GALNTL6: variants seen among roughly 807,000 people sequenced by gnomAD.
GALNTL6 encodes the protein polypeptide N-acetylgalactosaminyltransferase-like 6.
GALNTL6 carries 46 observed loss-of-function variants against 73.7 expected under a neutral mutation model. The observed-to-expected ratio is 0.62, with a 90% CI of 0.49 to 0.80. The LOEUF (loss-of-function observed/expected upper bound fraction) is 0.80, where lower values mean the gene tolerates loss of function less well. Ranked by LOEUF, GALNTL6 falls within the 30% of genes least tolerant of loss-of-function variation. The pLI, the probability that GALNTL6 is intolerant of heterozygous loss-of-function variation, is 0.00. For missense variants in GALNTL6, 604 were observed against 755.0 expected (o/e 0.80, Z 2.34); for synonymous variants, 259 against 263.7 (o/e 0.98, Z 0.17).
chr4:172,747,716 C>T (rs1445676716), intron 5 of GALNTL6, among the ~76,000 whole-genome samples: 1 of 151,758 alleles, frequency 6.6e-6, no homozygotes, highest in African/African-American at 2.4e-5. Context: ...GTATGCACCC[C>T]CATGTTCATT....
chr4:172,583,557 T>C (rs1737276458), intron 5 of GALNTL6, among the ~76,000 whole-genome samples: 1 of 152,134 alleles, frequency 6.6e-6, no homozygotes, highest in African/African-American at 2.4e-5. Context: ...CTTTCCAAAG[T>C]TTGTGTTTTA....
At chr4:172,716,061 C>T (rs1244881129) in intron 5 of GALNTL6, among the ~76,000 whole-genome samples, 3 of 151,952 alleles carry the variant, frequency 2.0e-5, no homozygotes, top group Admixed American at 6.6e-5. Context: ...GTTTTGCTCC[C>T]GCACCCCACC....
At chr4:172,837,582 A>C (rs1742975379) in intron 7 of GALNTL6, among the ~76,000 whole-genome samples, 1 of 152,246 alleles carries the variant, frequency 6.6e-6, no homozygotes, top group Non-Finnish European at 1.5e-5. Context: ...AAATCAACAA[A>C]AAAATTAGAA....
At chr4:172,514,920 CT>C (rs1418278176) in intron 5 of GALNTL6, among the ~76,000 whole-genome samples, 1 of 152,208 alleles carries the variant, frequency 6.6e-6, no homozygotes, top group Non-Finnish European at 1.5e-5. Flanking sequence ...GACTTTCCCC[CT>C]CTCACACCTT....
At chr4:172,286,244 C>T (rs1739244559) in intron 3 of GALNTL6, among the ~76,000 whole-genome samples, 1 of 151,996 alleles carries the variant, frequency 6.6e-6, no homozygotes, top group African/African-American at 2.4e-5. Flanking sequence ...CATAATAGTT[C>T]CTCATGTCTT....
chr4:172,482,429 C>T (rs1452536195), intron 5 of GALNTL6, among the ~76,000 whole-genome samples: 1 of 152,242 alleles, frequency 6.6e-6, no homozygotes, highest in Non-Finnish European at 1.5e-5. Flanking sequence ...CACTTCTCAT[C>T]AAGTTAGGGC....
At chr4:172,982,282 C>G (rs550723585) in intron 10 of GALNTL6, among the ~76,000 whole-genome samples, 2 of 152,304 alleles carry the variant, frequency 1.3e-5, no homozygotes, top group Admixed American at 1.3e-4. Flanking sequence ...CAGAGCCCTC[C>G]CTCTGCTCTC....
At chr4:172,535,468 C>T (rs1219577692) in intron 5 of GALNTL6, among the ~76,000 whole-genome samples, 4 of 152,252 alleles carry the variant, frequency 2.6e-5, no homozygotes, top group East Asian at 1.9e-4. Context: ...TATTTTCCAG[C>T]GACTTAACAA....
intron 5 of GALNTL6, among the ~76,000 whole-genome samples, chr4:172,587,443 C>A (rs1482888556): frequency 6.6e-6 from 1 of 152,172 alleles, no homozygotes; most frequent in Non-Finnish European, 1.5e-5. Context: ...GATCATGTCA[C>A]CCCTTGTCGT....
At chr4:171,896,263 A>G (rs1180405361) in intron 2 of GALNTL6, among the ~76,000 whole-genome samples, 4 of 152,240 alleles carry the variant, frequency 2.6e-5, no homozygotes, top group African/African-American at 7.2e-5. Context: ...ATTTCTTAAT[A>G]CTGCATATTA....
At chr4:172,435,833 G>C (rs1731614989) in intron 5 of GALNTL6, among the ~76,000 whole-genome samples, 1 of 152,024 alleles carries the variant, frequency 6.6e-6, no homozygotes, top group African/African-American at 2.4e-5. Context: ...AATAGTATGA[G>C]CCTTTTTAAA....
intron 5 of GALNTL6, among the ~76,000 whole-genome samples, chr4:172,443,117 T>TATAC (rs1256519049): frequency 1.8e-5 from 2 of 109,340 alleles, no homozygotes; most frequent in Non-Finnish European, 3.6e-5. Context: ...TAATGATCCA[T>TATAC]ATACATATAT....
At chr4:172,396,306 CTTTTTTTTTCT>C (rs1433495286) in intron 5 of GALNTL6, among the ~76,000 whole-genome samples, 723 of 36,916 alleles carry the variant, frequency 0.02, 7 homozygotes, top group African/African-American at 0.06. Flanking sequence ...TTACTATTTT[CTTTTTTTTTCT>C]TTTTTTTTTT....
At chr4:171,898,381 C>A (rs554314503) in intron 2 of GALNTL6, among the ~76,000 whole-genome samples, 3 of 152,064 alleles carry the variant, frequency 2.0e-5, no homozygotes, top group Admixed American at 1.3e-4. Flanking sequence ...AATGAAGACA[C>A]ATACCTATAA....
At chr4:172,254,766 A>C (rs974520824) in intron 3 of GALNTL6, among the ~76,000 whole-genome samples, 1 of 151,844 alleles carries the variant, frequency 6.6e-6, no homozygotes, top group Non-Finnish European at 1.5e-5. Flanking sequence ...TATCAACTCC[A>C]TGTAAGTCTG....
intron 5 of GALNTL6, among the ~76,000 whole-genome samples, chr4:172,544,765 T>C (rs1735688181): frequency 6.6e-6 from 1 of 152,196 alleles, no homozygotes; most frequent in African/African-American, 2.4e-5. Context: ...CTCTACCATA[T>C]GTACAGTATG....
At chr4:172,054,572 T>A (rs1206261894) in intron 2 of GALNTL6, among the ~76,000 whole-genome samples, 1 of 152,162 alleles carries the variant, frequency 6.6e-6, no homozygotes, top group East Asian at 1.9e-4. Context: ...TATTTTCACA[T>A]GTTGGAAAGG....
intron 4 of GALNTL6, among the ~76,000 whole-genome samples, chr4:172,316,710 A>G (rs1262384018): frequency 3.3e-5 from 5 of 152,228 alleles, no homozygotes; most frequent in Non-Finnish European, 7.3e-5. Context: ...ACGATTTGCT[A>G]TGAAAACATT....
intron 5 of GALNTL6, among the ~76,000 whole-genome samples, chr4:172,748,438 G>A (rs10014796): frequency 0.36 from 54,940 of 151,882 alleles, 11,012 homozygotes; most frequent in African/African-American, 0.53. Flanking sequence ...CTCACTCCAC[G>A]CAGACAGACA....
Sources: gnomAD v4.1 joint callset for allele counts (sites outside exome capture counted in the v4.1 genomes callset) on GRCh38, gnomAD v4.1.1 for gene constraint, MANE v1.5 for transcripts, NCBI Gene and HGNC (gene_info 2026-07-23, HGNC 2026-07-21) for gene names.